Variants in RUNX1T1 observed in about 807,000 individuals in gnomAD.
RUNX1T1 encodes RUNX1 partner transcriptional co-repressor 1.
RUNX1T1 carries 4 observed loss-of-function variants against 62.8 expected under a neutral mutation model. The ratio of observed to expected loss-of-function variants is 0.06; its 90% confidence interval spans 0.03 to 0.15. The LOEUF is 0.15. RUNX1T1 is among the 10% of genes least tolerant of loss of function. RUNX1T1 has a pLI of 1.00. For missense variants in RUNX1T1, 508 were observed against 754.3 expected (o/e 0.67, Z 3.82); for synonymous variants, 291 against 286.0 (o/e 1.02, Z -0.18).
intron 2 of RUNX1T1, among the ~76,000 whole-genome samples, chr8:92,070,665 G>A (rs543542746): frequency 2.0e-5 from 3 of 152,290 alleles, no homozygotes; most frequent in South Asian, 2.1e-4. Flanking sequence ...AATCTTCCCT[G>A]CAAAGCCCAA....
At chr8:92,042,732 G>A (rs1828688688) in intron 1 of RUNX1T1, among the ~76,000 whole-genome samples, 1 of 152,142 alleles carries the variant, frequency 6.6e-6, no homozygotes, top group Non-Finnish European at 1.5e-5. Flanking sequence ...TGCAACAGCT[G>A]GAACATAATA....
intron 5 of RUNX1T1, chr8:91,994,498 T>C: frequency 2.3e-6 from 1 of 428,494 alleles, no homozygotes; most frequent in South Asian, 1.9e-5. Flanking sequence ...TTACTGGCAT[T>C]GTGGTGTAGT....
At chr8:92,079,966 C>G (rs1451668848) in intron 1 of RUNX1T1, among the ~76,000 whole-genome samples, 1 of 152,176 alleles carries the variant, frequency 6.6e-6, no homozygotes, top group African/African-American at 2.4e-5. Context: ...GAAATAAAGT[C>G]TCACTACCAT....
intron 5 of RUNX1T1, among the ~76,000 whole-genome samples, chr8:91,999,906 T>C (rs1449801617): frequency 6.6e-6 from 1 of 152,156 alleles, no homozygotes. Context: ...GCAGTAAAGT[T>C]AGACCCTAAC....
intron 1 of RUNX1T1, among the ~76,000 whole-genome samples, chr8:92,046,260 G>A (rs2130265250): frequency 6.6e-6 from 1 of 152,286 alleles, no homozygotes; most frequent in East Asian, 1.9e-4. Context: ...TCTTCGGTAT[G>A]TGTGCTGCTT....
chr8:92,010,744 CA>C (rs1821762245), intron 4 of RUNX1T1: 7 of 331,404 alleles, frequency 2.1e-5, no homozygotes, highest in East Asian at 5.0e-5. Flanking sequence ...CTCATATGAC[CA>C]AAAAAATGAA....
At chr8:92,102,755 T>C (rs911107892), upstream of RUNX1T1, 1 of 1,237,226 alleles carries the variant, frequency 8.1e-7, no homozygotes, top group East Asian at 2.9e-5. The surrounding 1 kb of genome is among the most constrained non-coding windows in gnomAD (Gnocchi z 4.5). Context: ...CGCGGTCGAA[T>C]AATCCAAACG....
chr8:92,079,613 A>T (rs757210058), intron 1 of RUNX1T1, among the ~76,000 whole-genome samples: 4 of 152,188 alleles, frequency 2.6e-5, no homozygotes, highest in Non-Finnish European at 5.9e-5. Flanking sequence ...TTAAGCTTCC[A>T]TGCATACACT....
intron 4 of RUNX1T1, chr8:92,005,776 G>A (rs1190316719): frequency 1.3e-5 from 2 of 152,634 alleles, no homozygotes; most frequent in African/African-American, 4.8e-5. Flanking sequence ...AATATCTTTT[G>A]TCAAGTACTA....
At chr8:92,082,255 A>C (rs1270165212) in intron 1 of RUNX1T1, among the ~76,000 whole-genome samples, 2 of 152,136 alleles carry the variant, frequency 1.3e-5, no homozygotes, top group African/African-American at 4.8e-5. Context: ...ATAGTTTTCC[A>C]TTTGTACTTT....
intron 1 of RUNX1T1, among the ~76,000 whole-genome samples, chr8:92,051,087 T>G (rs1443311653): frequency 2.0e-5 from 3 of 152,200 alleles, no homozygotes; most frequent in Non-Finnish European, 4.4e-5. Context: ...TACTTATCCC[T>G]ATCTGAAATC....
chr8:92,014,766 G>T, exon 3 of RUNX1T1: 1 of 1,614,016 alleles, frequency 6.2e-7, no homozygotes, highest in Non-Finnish European at 8.5e-7. Context: ...GAAGCCATTG[G>T]GTGGTGAGGG....
intron 1 of RUNX1T1, among the ~76,000 whole-genome samples, chr8:92,083,970 A>G (rs1373768318): frequency 6.6e-6 from 1 of 152,134 alleles, no homozygotes; most frequent in Non-Finnish European, 1.5e-5. Flanking sequence ...GAAGCTGGAA[A>G]CCATCATTCT....
At chr8:91,990,669 G>T (rs1384122753) in intron 6 of RUNX1T1, among the ~76,000 whole-genome samples, 1 of 150,770 alleles carries the variant, frequency 6.6e-6, no homozygotes, top group Non-Finnish European at 1.5e-5. Flanking sequence ...TCTGAGACAG[G>T]GTCTTGCTCT....
At chr8:92,051,576 ACTCT>A (rs936774579) in intron 1 of RUNX1T1, among the ~76,000 whole-genome samples, 43 of 147,366 alleles carry the variant, frequency 2.9e-4, no homozygotes, top group South Asian at 2.8e-3. Context: ...ACATACACAC[ACTCT>A]CTCTCTCACA....
upstream of RUNX1T1, among the ~76,000 whole-genome samples, chr8:92,067,599 T>C (rs1166568898): frequency 1.3e-5 from 2 of 152,220 alleles, no homozygotes; most frequent in Non-Finnish European, 2.9e-5. Flanking sequence ...AATAAAATAT[T>C]AGTGATATCA....
At chr8:91,981,296 G>T (rs1209844757) in intron 8 of RUNX1T1, among the ~76,000 whole-genome samples, 2 of 147,738 alleles carry the variant, frequency 1.4e-5, no homozygotes, top group Non-Finnish European at 3.0e-5. Context: ...TCAATCATAT[G>T]ACAATCATAA....
chr8:91,991,707 G>C, exon 6 of RUNX1T1: 1 of 1,614,068 alleles, frequency 6.2e-7, no homozygotes, highest in African/African-American at 1.3e-5. Context: ...GTAGTGGTGG[G>C]CAATGGCCAT....
Position 91,986,278 on chromosome 8 carries a change from G to C in RUNX1T1, c.1044C>G (p.Leu348=), listed in dbSNP as rs757212640. Residue 348 remains leucine, a synonymous_variant, in exon 8 of 11, where the codon CTC becomes CTG. Coordinates refer to ENST00000396218, the Ensembl canonical transcript of RUNX1T1. ...CTTCTTGACACCGCCTTAGTACGGTGAGAGATCGCCTTGTTTTTTCTACCA... is the reference window on the plus strand; with the variant it reads ...CTTCTTGACACCGCCTTAGTACGGTCAGAGATCGCCTTGTTTTTTCTACCA... 2.5e-6 allele frequency: 4 copies of C among 1,614,022 alleles called. No individual in the cohort carries two copies. In the South Asian group the frequency reaches 4.4e-5, roughly 18 times the overall value.
Sources: allele counts gnomAD v4.1 joint callset (sites outside exome capture counted in the v4.1 genomes callset), GRCh38; gene constraint gnomAD v4.1.1; non-coding constraint Gnocchi (gnomAD v3.1); transcripts MANE v1.5; gene names NCBI Gene and HGNC (gene_info 2026-07-23, HGNC 2026-07-21).